The following LRRK1 variants were observed in gnomAD, a reference collection of about 807,000 sequenced individuals.
The protein encoded by LRRK1 is leucine-rich repeat serine/threonine-protein kinase 1.
Under a neutral mutation model 209.1 loss-of-function variants are expected in LRRK1, and 113 were observed. The ratio of observed to expected loss-of-function variants is 0.54; its 90% CI spans 0.46 to 0.63. The LOEUF (loss-of-function observed/expected upper bound fraction) is 0.63. LRRK1 is among the 30% of genes least tolerant of loss of function. The probability of loss-of-function intolerance (pLI) is 0.00; values close to 1 mark genes in which losing one functional copy is unlikely to be tolerated. For synonymous variants in LRRK1, 1,144 were observed against 1,099.7 expected (o/e 1.04, Z -0.80); for missense variants, 2,284 against 2,632.2 (o/e 0.87, Z 2.89).
At chr15:100,986,035 C>CAA (rs36053618) in intron 4 of LRRK1, among the ~76,000 whole-genome samples, 12 of 128,522 alleles carry the variant, frequency 9.3e-5, no homozygotes, top group African/African-American at 3.0e-4. Context: ...CCTGTATCTA[C>CAA]AAAAAAAAAA....
chr15:101,065,261 G>A lies in LRRK1; in HGVS notation c.4915-91G>A, dbSNP rs988368826. The A allele has an allele frequency of 1.8e-5, 26 of 1,480,594 alleles. No homozygotes were observed. The African/African-American group carries it at 3.2e-4, about 18-fold the overall frequency. The allele number at this position is 1,480,594 out of a possible 1,614,324, so 91.7% of individuals were successfully genotyped here. ...GGTGGAAAGTGACTGCCCGCCTGGT[G>A]TGGGTGCAGATGAGTCCAGTGCCTA... On this transcript the variant is annotated intron_variant, in intron 31 of 33. Coordinates refer to ENST00000388948, the MANE Select transcript of LRRK1 (RefSeq NM_024652.6).
intron 20 of LRRK1, among the ~76,000 whole-genome samples, chr15:101,040,751 A>G (rs1314853760): frequency 6.6e-6 from 1 of 152,140 alleles, no homozygotes; most frequent in African/African-American, 2.4e-5. Flanking sequence ...AATATATCTT[A>G]TATTATTTTG....
At chr15:100,929,100 AT>A (rs1446905619) in intron 2 of LRRK1, among the ~76,000 whole-genome samples, 1 of 152,190 alleles carries the variant, frequency 6.6e-6, no homozygotes, top group East Asian at 1.9e-4. Context: ...TCTTCTGAGT[AT>A]GTCTGACACC....
chr15:101,067,571 G>A (rs914896543), intron 33 of LRRK1, among the ~76,000 whole-genome samples: 4 of 152,110 alleles, frequency 2.6e-5, no homozygotes, highest in African/African-American at 9.7e-5. Flanking sequence ...TAAGAGGGTG[G>A]AGAAACACCA....
intron 32 of LRRK1, 111 bp downstream of exon 32, chr15:101,066,316 G>C (rs1449351593): frequency 3.6e-6 from 5 of 1,403,390 alleles, no homozygotes; most frequent in Non-Finnish European, 4.8e-6. Flanking sequence ...GGGGAGGCAG[G>C]TGCTGTTCTT....
chr15:100,922,893 C>T (rs957100124), intron 1 of LRRK1, among the ~76,000 whole-genome samples: 1 of 152,212 alleles, frequency 6.6e-6, no homozygotes, highest in Non-Finnish European at 1.5e-5. Context: ...CTAGCTCCAC[C>T]TTTCCCTGCC....
intron 1 of LRRK1, 50 bp from the exon 2 acceptor site, chr15:100,924,461 G>A: frequency 1.7e-6 from 1 of 598,504 alleles, no homozygotes; most frequent in South Asian, 2.0e-5. Context: ...TGCAGGGGAG[G>A]AGGACAGGAA....
Position 101,066,113 on chromosome 15 carries a change from G to A in LRRK1, c.5676G>A (p.Glu1892=), listed in dbSNP as rs773230779. Residue 1892 remains glutamate, a synonymous_variant, in exon 32 of 34, where the codon GAG becomes GAA. Coordinates refer to ENST00000388948, the MANE Select transcript of LRRK1 (RefSeq NM_024652.6). ...HTPGAASDRS[E]HDLTPMDGET... ...CCGGTGCTGCCTCCGACAGGTCTGA[G>A]CATGACCTGACCCCCATGGACGGGG... The A allele has an allele frequency of 6.8e-6, 11 of 1,614,034 alleles. No individual in the cohort carries two copies. In the Admixed American group the frequency reaches 1.3e-4, roughly 20 times the overall value.
intron 20 of LRRK1, among the ~76,000 whole-genome samples, chr15:101,040,109 A>G (rs1038891691): frequency 4.6e-5 from 7 of 152,068 alleles, no homozygotes; most frequent in African/African-American, 1.2e-4. Flanking sequence ...TTCCTTCTCT[A>G]TTTTCTTCAA....
chr15:101,001,260 T>C (rs1480492796), intron 6 of LRRK1, among the ~76,000 whole-genome samples: 1 of 152,140 alleles, frequency 6.6e-6, no homozygotes, highest in Non-Finnish European at 1.5e-5. Context: ...TCTGGGAACC[T>C]GTAGCCTTGA....
At chr15:101,034,509 G>A (rs2034419432) in intron 20 of LRRK1, among the ~76,000 whole-genome samples, 1 of 152,060 alleles carries the variant, frequency 6.6e-6, no homozygotes. Context: ...ATTGAAGAGG[G>A]TGTATTTTCT....
In LRRK1 at chr15:101,066,220, G is replaced by A. The variant is rs766983987; in HGVS notation, c.5768+15G>A. ...TGGGTCCCCAGGTACGTTTCCCGAG[G>A]TGAGGGCACCATCCAGGGCACGCCC... On this transcript the variant is annotated intron_variant, in intron 32 of 33. Coordinates refer to ENST00000388948, the MANE Select transcript of LRRK1 (RefSeq NM_024652.6). 120 of 1,589,944 alleles carry A rather than the reference G, an allele frequency of 7.5e-5. No homozygotes were observed. The highest frequency in any genetic ancestry group is 1.0e-4 in the Non-Finnish European group (118 of 1,168,302).
chr15:100,966,510 TACTC>T (rs550840739), intron 2 of LRRK1, among the ~76,000 whole-genome samples: 131 of 152,374 alleles, frequency 8.6e-4, no homozygotes, highest in Middle Eastern at 3.4e-3. Flanking sequence ...CCATGCCTAA[TACTC>T]ACTATGGTCA....
chr15:100,941,416 G>A (rs1210349291), intron 2 of LRRK1, among the ~76,000 whole-genome samples: 74 of 101,770 alleles, frequency 7.3e-4, no homozygotes, highest in African/African-American at 2.8e-3. Flanking sequence ...GTGTCTCTGT[G>A]TGTGTGTGTG....
At chr15:101,056,522 CAGAT>C (rs1312260711) in intron 27 of LRRK1, among the ~76,000 whole-genome samples, 3 of 151,792 alleles carry the variant, frequency 2.0e-5, no homozygotes, top group Non-Finnish European at 4.4e-5. Context: ...GATAGGAAGA[CAGAT>C]GGATAAATGT....
At chr15:101,020,716 C>T (rs966405036) in intron 12 of LRRK1, among the ~76,000 whole-genome samples, 1 of 152,204 alleles carries the variant, frequency 6.6e-6, no homozygotes, top group Non-Finnish European at 1.5e-5. Context: ...AGTATTACTT[C>T]ATACCCCCAT....
intron 6 of LRRK1, among the ~76,000 whole-genome samples, chr15:101,007,222 T>TCGTA (rs1415217695): frequency 2.6e-5 from 4 of 152,224 alleles, no homozygotes; most frequent in African/African-American, 9.6e-5. Flanking sequence ...GGGACCTTTC[T>TCGTA]CGTAGCCTCT....
At chr15:101,052,038 T>C in intron 24 of LRRK1, 78 bp downstream of exon 24, 1 of 1,533,100 alleles carries the variant, frequency 6.5e-7, no homozygotes, top group Non-Finnish European at 8.8e-7. Context: ...CCGAGTGATC[T>C]CCAGGAAGAC....
chr15:101,041,004 A>G (rs1175604815), intron 20 of LRRK1, among the ~76,000 whole-genome samples: 1 of 152,246 alleles, frequency 6.6e-6, no homozygotes, highest in Non-Finnish European at 1.5e-5. Context: ...GAGAGATGGT[A>G]AAATATCTAA....
Sources: gnomAD v4.1 joint callset for allele counts (sites outside exome capture counted in the v4.1 genomes callset) on GRCh38, gnomAD v4.1.1 for gene constraint, MANE v1.5 for transcripts, NCBI Gene and HGNC (gene_info 2026-07-23, HGNC 2026-07-21) for gene names.